The following UBR1 variants were observed in gnomAD, a reference collection of about 807,000 sequenced individuals.
UBR1 encodes E3 ubiquitin-protein ligase UBR1.
In UBR1, 102 loss-of-function variants were observed where a neutral mutation model predicts 242.1. The observed-to-expected ratio is 0.42, with a 90% CI of 0.36 to 0.50. The LOEUF (loss-of-function observed/expected upper bound fraction) is 0.50. Ranked by LOEUF, UBR1 falls within the 20% of genes least tolerant of loss-of-function variation. The pLI, the probability that UBR1 is intolerant of heterozygous loss-of-function variation, is 0.01. For missense variants in UBR1, 1,772 were observed against 2,101.8 expected, an observed-to-expected ratio of 0.84 and a Z score of 3.07; for synonymous variants, 675 against 684.8, an observed-to-expected ratio of 0.99 and a Z score of 0.22.
intron 15 of UBR1, among the ~76,000 whole-genome samples, chr15:43,040,743 T>C (rs2033407098): frequency 6.6e-6 from 1 of 152,012 alleles, no homozygotes; most frequent in Non-Finnish European, 1.5e-5. Flanking sequence ...CAAACAAATT[T>C]ACAAGAAAAA....
chr15:42,971,453 C>A (rs182386460), intron 39 of UBR1, among the ~76,000 whole-genome samples: 19 of 152,286 alleles, frequency 1.2e-4, no homozygotes, highest in Non-Finnish European at 2.6e-4. Flanking sequence ...TTGTATTAAA[C>A]TTGATATACA....
chr15:43,030,116 T>G, intron 20 of UBR1, 48 bp from the exon 21 acceptor site: 1 of 1,580,020 alleles, frequency 6.3e-7, no homozygotes, highest in Non-Finnish European at 8.6e-7. Flanking sequence ...AATTATTTTC[T>G]ATTTAAATCT....
intron 10 of UBR1, among the ~76,000 whole-genome samples, chr15:43,056,806 T>C (rs1470724215): frequency 1.3e-5 from 2 of 152,196 alleles, no homozygotes; most frequent in East Asian, 3.8e-4. Flanking sequence ...TCTAATGGTA[T>C]TGGGCAGGGA....
At chr15:43,040,946 A>G (rs923081447) in intron 15 of UBR1, among the ~76,000 whole-genome samples, 4 of 152,122 alleles carry the variant, frequency 2.6e-5, no homozygotes, top group African/African-American at 9.7e-5. Flanking sequence ...GGAAACAACA[A>G]GTGCTGGAGA....
Position 43,068,016 on chromosome 15 carries a change from T to C in UBR1, c.680A>G (p.Tyr227Cys), listed in dbSNP as rs1381752228. 3.1e-6 allele frequency: 5 copies of C among 1,605,522 alleles called. No individual in the cohort carries two copies. Among genetic ancestry groups the C allele is most frequent in the Non-Finnish European group, 3.4e-6 (4 of 1,176,698 alleles). Residue 227 changes from tyrosine to cysteine, a missense_variant, in exon 6 of 47, where the codon TAT (tyrosine) becomes TGT (cysteine). This residue lies in a region of UBR1 where 734 missense variants were observed against 893.3 expected (regional missense o/e 0.82). Transcript: ENST00000290650. The part of the protein sequence containing the change: ...LQIREKNERY[Y>C]CVLFNDEHHS... The stretch of plus-strand genomic sequence containing the variant: ...GTGTTCATCATTGAAAAGGACACAA[T>C]AGTATCTTTCATTTTTCTCCCTGTT...
At chr15:43,001,476 C>T (rs745601522) in intron 32 of UBR1, among the ~76,000 whole-genome samples, 1 of 152,210 alleles carries the variant, frequency 6.6e-6, no homozygotes, top group Non-Finnish European at 1.5e-5. Flanking sequence ...ACCCTTCTCG[C>T]CCAACCTATC....
chr15:42,987,931 A>G (rs574117825), intron 35 of UBR1, among the ~76,000 whole-genome samples: 1 of 152,100 alleles, frequency 6.6e-6, no homozygotes, highest in Non-Finnish European at 1.5e-5. Flanking sequence ...GTAATATTGC[A>G]CCTTGTCCCT....
intron 1 of UBR1, among the ~76,000 whole-genome samples, chr15:43,098,712 G>A (rs1447335543): frequency 6.6e-6 from 1 of 152,094 alleles, no homozygotes; most frequent in Non-Finnish European, 1.5e-5. Flanking sequence ...TTTTGACTTA[G>A]AGTTTTAGAA....
intron 29 of UBR1, among the ~76,000 whole-genome samples, chr15:43,007,656 A>G (rs2032853497): frequency 6.6e-6 from 1 of 152,042 alleles, no homozygotes; most frequent in Admixed American, 6.5e-5. Flanking sequence ...TATTCCCACA[A>G]CCTAGAGATA....
At chr15:42,949,463 C>A (rs1020493685) in intron 46 of UBR1, among the ~76,000 whole-genome samples, 1 of 151,424 alleles carries the variant, frequency 6.6e-6, no homozygotes, top group Non-Finnish European at 1.5e-5. Flanking sequence ...AAATTATGTG[C>A]TAAAGAATGA....
chr15:43,049,556 C>A (rs748712628), intron 12 of UBR1, among the ~76,000 whole-genome samples: 13 of 151,596 alleles, frequency 8.6e-5, no homozygotes, highest in Non-Finnish European at 1.6e-4. Context: ...GCATGACACA[C>A]AAAAAAAGAA....
At position 43,048,411 on chromosome 15, in the gene UBR1, T is replaced by C. The variant is rs771027157; in HGVS notation, c.1520A>G (p.Lys507Arg). The C allele has an allele frequency of 6.2e-7, 1 of 1,613,322 alleles. No homozygotes were observed. Among genetic ancestry groups the C allele is most frequent in the South Asian group, 1.1e-5 (1 of 90,978 alleles). The change falls in exon 13 of 47, where the codon AAG becomes AGG. Residue 507 changes from lysine to arginine, a missense_variant. Coordinates refer to ENST00000290650, the MANE Select transcript of UBR1 (RefSeq NM_174916.3). ...TCATACCTGCATACAGGTAAGAATC[T>C]TCAAAAAAGATCGAAAACCTTCAAG... is the stretch of plus-strand genomic sequence containing the variant. ...QFLEGFRSFL[K>R]ILTCMQGMEE...
chr15:42,950,863 C>A (rs1054599562), intron 45 of UBR1, among the ~76,000 whole-genome samples: 2 of 152,172 alleles, frequency 1.3e-5, no homozygotes, highest in African/African-American at 4.8e-5. Context: ...ACCCTGAAGG[C>A]ACCTGGGACT....
At chr15:42,983,049 GATCACC>G (rs1168484434) in intron 37 of UBR1, among the ~76,000 whole-genome samples, 16 of 152,216 alleles carry the variant, frequency 1.1e-4, no homozygotes, top group African/African-American at 3.9e-4. Context: ...TACTAATTGA[GATCACC>G]ATATGAACTC....
In UBR1 at chr15:42,948,744, A is replaced by C. The variant is rs191548088; in HGVS notation, c.5108+1518T>G. On this transcript the variant is annotated intron_variant, in intron 46 of 46. Coordinates refer to ENST00000290650, the MANE Select transcript of UBR1 (RefSeq NM_174916.3). Reference sequence around the variant, plus strand: ...AAACCACAATGAGATACCACCTCACACTAGTTAGAATGGCAATCATTAAAA... The same window carrying C: ...AAACCACAATGAGATACCACCTCACCCTAGTTAGAATGGCAATCATTAAAA... Among the ~76,000 whole-genome samples the C allele has an allele frequency of 2.8e-3, 427 of 152,344 alleles. 1 individual carries two copies. The highest frequency in any genetic ancestry group is 3.1e-3 in the Non-Finnish European group (212 of 68,028).
At chr15:42,985,080 A>C in intron 35 of UBR1, 138 bp from the exon 36 acceptor site, 2 of 723,402 alleles carry the variant, frequency 2.8e-6, no homozygotes, top group South Asian at 5.3e-5. Flanking sequence ...CTTGTGTTTT[A>C]AGTCTATGCC....
At chr15:43,010,595 C>T (rs916261113) in intron 29 of UBR1, among the ~76,000 whole-genome samples, 7 of 152,068 alleles carry the variant, frequency 4.6e-5, no homozygotes, top group Non-Finnish European at 1.0e-4. Context: ...TGAGGAGGAG[C>T]AGAAAGAAGT....
chr15:43,105,251 C>T (rs1053939815), intron 1 of UBR1, among the ~76,000 whole-genome samples: 14 of 152,168 alleles, frequency 9.2e-5, no homozygotes, highest in African/African-American at 3.4e-4. Context: ...TTATCTTCCT[C>T]GGCAGCTTTC....
At chr15:42,988,227 T>C (rs2032503782) in intron 35 of UBR1, among the ~76,000 whole-genome samples, 1 of 152,032 alleles carries the variant, frequency 6.6e-6, no homozygotes, top group Non-Finnish European at 1.5e-5. Flanking sequence ...CCTCTATAAC[T>C]TACATCATGC....
Sources: allele counts gnomAD v4.1 joint callset (sites outside exome capture counted in the v4.1 genomes callset), GRCh38; gene constraint gnomAD v4.1.1; regional missense constraint gnomAD v4.1.1; transcripts MANE v1.5; gene names NCBI Gene and HGNC (gene_info 2026-07-23, HGNC 2026-07-21).